The following ROBO1 variants were observed in gnomAD, a reference collection of about 807,000 sequenced individuals.
ROBO1 encodes the protein roundabout guidance receptor 1.
A neutral mutation model predicts 195.9 loss-of-function variants in ROBO1; 149 were observed. That is an observed-to-expected ratio of 0.76 (90% CI 0.67 to 0.87). The LOEUF is 0.87. Among genes scored for constraint, ROBO1 ranks in the 40% least tolerant of loss-of-function variants. The probability of loss-of-function intolerance (pLI) is 0.00; values close to 1 mark genes in which losing one functional copy is unlikely to be tolerated. For missense variants in ROBO1, 1,933 were observed against 2,068.3 expected (o/e 0.93, Z 1.27); for synonymous variants, 816 against 733.2 (o/e 1.11, Z -1.82).
intron 2 of ROBO1, among the ~76,000 whole-genome samples, chr3:79,449,218 C>G (rs2039365883): frequency 6.6e-6 from 1 of 151,894 alleles, no homozygotes; most frequent in South Asian, 2.1e-4. Flanking sequence ...GGCCACAGAA[C>G]AGACTCTATC....
chr3:79,032,758 G>T (rs1336453375), intron 3 of ROBO1, among the ~76,000 whole-genome samples: 2 of 151,984 alleles, frequency 1.3e-5, no homozygotes, highest in South Asian at 2.1e-4. Context: ...AACTCAAGGG[G>T]TGCACATACA....
At position 78,717,394 on chromosome 3, in the gene ROBO1, C is replaced by T. The variant is rs377233944; in HGVS notation, c.798G>A (p.Lys266=). The T allele has an allele frequency of 6.7e-4, 1,074 of 1,613,670 alleles. 3 individuals are homozygous for T. The highest frequency in any genetic ancestry group is 6.6e-3 in the African/African-American group (497 of 75,014). The part of the protein sequence containing the change: ...LTVLERPSFV[K]RPSNLAVTVD... The stretch of plus-strand genomic sequence containing the variant: ...CAGTTACTGCCAAGTTACTGGGTCT[C>T]TTCACAAATGATGGTCTCTCTAAAA... Residue 266 remains lysine, a synonymous_variant, in exon 7 of 31, where the codon AAG becomes AAA. Transcript: ENST00000464233.
intron 2 of ROBO1, among the ~76,000 whole-genome samples, chr3:79,562,472 T>C (rs73849614): frequency 0.015 from 2,208 of 152,126 alleles, 43 homozygotes; most frequent in African/African-American, 0.049. Flanking sequence ...AAAACCATTA[T>C]CTCTTTGTAT....
chr3:79,388,262 C>G (rs905297840), intron 2 of ROBO1, among the ~76,000 whole-genome samples: 5 of 152,030 alleles, frequency 3.3e-5, no homozygotes, highest in Non-Finnish European at 7.4e-5. Context: ...GGGGAACATT[C>G]AATATTTATG....
At chr3:79,418,962 A>G (rs559790810) in intron 2 of ROBO1, among the ~76,000 whole-genome samples, 186 of 152,280 alleles carry the variant, frequency 1.2e-3, no homozygotes, top group Non-Finnish European at 2.0e-3. Flanking sequence ...AATGATGACT[A>G]GTGTTACGAT....
At chr3:78,641,432 A>G (rs976056419) in intron 21 of ROBO1, among the ~76,000 whole-genome samples, 17 of 152,196 alleles carry the variant, frequency 1.1e-4, no homozygotes, top group Non-Finnish European at 1.9e-4. Flanking sequence ...AGCTGTTAAA[A>G]CTGAGCCATC....
At chr3:79,698,400 T>C (rs1341423494) in intron 1 of ROBO1, among the ~76,000 whole-genome samples, 1 of 151,450 alleles carries the variant, frequency 6.6e-6, no homozygotes, top group Non-Finnish European at 1.5e-5. Flanking sequence ...GATAGATATA[T>C]CAGTAAGGTA....
At chr3:79,677,186 T>C (rs1220494464) in intron 1 of ROBO1, among the ~76,000 whole-genome samples, 2 of 151,996 alleles carry the variant, frequency 1.3e-5, no homozygotes, top group African/African-American at 2.4e-5. Flanking sequence ...GTCAGTTCCA[T>C]AATTAAACTA....
chr3:79,292,721 G>A (rs550515517), intron 2 of ROBO1, among the ~76,000 whole-genome samples: 5 of 152,172 alleles, frequency 3.3e-5, no homozygotes, highest in Non-Finnish European at 7.3e-5. Flanking sequence ...TCCCAAGGAC[G>A]AAGCCAACTT....
chr3:79,113,028 C>T (rs1231028177), intron 3 of ROBO1, among the ~76,000 whole-genome samples: 1 of 151,922 alleles, frequency 6.6e-6, no homozygotes, highest in Non-Finnish European at 1.5e-5. Context: ...CTCATGAGCC[C>T]TCACTCAATG....
intron 3 of ROBO1, among the ~76,000 whole-genome samples, chr3:79,075,017 T>C (rs1001588929): frequency 6.6e-6 from 1 of 151,962 alleles, no homozygotes; most frequent in Non-Finnish European, 1.5e-5. Context: ...GATATTAATA[T>C]GGAATAACTA....
intron 3 of ROBO1, among the ~76,000 whole-genome samples, chr3:79,004,854 T>C (rs973904292): frequency 3.3e-5 from 5 of 152,198 alleles, no homozygotes; most frequent in Non-Finnish European, 7.3e-5. Context: ...GAATTAAACA[T>C]TCTATTTCTA....
At chr3:78,601,987 GTATAA>G (rs1703198510) in intron 29 of ROBO1, among the ~76,000 whole-genome samples, 2 of 151,308 alleles carry the variant, frequency 1.3e-5, no homozygotes, top group Admixed American at 1.3e-4. Flanking sequence ...TCATATATAT[GTATAA>G]TATAATTATA....
intron 2 of ROBO1, among the ~76,000 whole-genome samples, chr3:79,142,068 C>T (rs2080539185): frequency 6.6e-6 from 1 of 151,834 alleles, no homozygotes; most frequent in Non-Finnish European, 1.5e-5. Flanking sequence ...CCAAAAGAGA[C>T]ATTCTTATTG....
rs565538147 is a variant in ROBO1 at position 79,322,758 on chromosome 3, A to G, written c.89-197219T>C. Among the ~76,000 whole-genome samples the G allele has an allele frequency of 5.9e-5, 9 of 152,314 alleles. No homozygotes were observed. The East Asian group carries it at 1.5e-3, about 26-fold the overall frequency. On this transcript the variant is annotated intron_variant, in intron 2 of 30. Coordinates refer to ENST00000464233, the MANE Select transcript of ROBO1 (RefSeq NM_002941.4). ...CATCCTTTCAGACGGGTTGACATATAACGGGTATTCAACAAATATTTCAGG... is the reference window on the plus strand; with the variant it reads ...CATCCTTTCAGACGGGTTGACATATGACGGGTATTCAACAAATATTTCAGG...
chr3:79,103,231 TG>T (rs1308003034), intron 3 of ROBO1, among the ~76,000 whole-genome samples: 1 of 151,748 alleles, frequency 6.6e-6, no homozygotes, highest in Non-Finnish European at 1.5e-5. Flanking sequence ...ATATTTTAAT[TG>T]AAAAACAACA....
chr3:78,935,975 T>C (rs941002687), intron 4 of ROBO1, among the ~76,000 whole-genome samples: 10 of 151,966 alleles, frequency 6.6e-5, no homozygotes, highest in African/African-American at 2.4e-4. Flanking sequence ...AGGTTTACAG[T>C]TTTTAACTAC....
At position 78,912,189 on chromosome 3, in the gene ROBO1, T is replaced by C. The variant is rs189532155; in HGVS notation, c.499+26412A>G. On this transcript the variant is annotated intron_variant, in intron 4 of 30. Coordinates refer to ENST00000464233, the MANE Select transcript of ROBO1 (RefSeq NM_002941.4). ...TAAGCAGAATGATTTTAATTACAAA[T>C]ACTGGAATATACATACATATTTTTC... 4.9e-3 allele frequency among the ~76,000 whole-genome samples: 748 copies of C among 152,198 alleles called. 5 individuals carry two copies. Among genetic ancestry groups the C allele is most frequent in the African/African-American group, 0.017 (706 of 41,550 alleles).
chr3:78,945,830 T>G (rs759080726), intron 3 of ROBO1, among the ~76,000 whole-genome samples: 4 of 152,116 alleles, frequency 2.6e-5, no homozygotes, highest in Non-Finnish European at 4.4e-5. Context: ...TTAAAGGACC[T>G]GATGGAGCTG....
Sources: gnomAD v4.1 joint callset for allele counts (sites outside exome capture counted in the v4.1 genomes callset) on GRCh38, gnomAD v4.1.1 for gene constraint, MANE v1.5 for transcripts, NCBI Gene and HGNC (gene_info 2026-07-23, HGNC 2026-07-21) for gene names.